SERPINB12: variants seen among roughly 807,000 people sequenced by gnomAD.
SERPINB12 encodes the protein serpin family B member 12, also known as serpin B12.
SERPINB12 carries 57 observed loss-of-function variants against 41.1 expected under a neutral mutation model. That is an observed-to-expected ratio of 1.39 (90% CI 1.12 to 1.73). The LOEUF is 1.73. Ranked by LOEUF, SERPINB12 falls within the 40% of genes most tolerant of loss-of-function variation. SERPINB12 has a pLI of 0.00. For synonymous variants in SERPINB12, 180 were observed against 181.3 expected, an observed-to-expected ratio of 0.99 and a Z score of 0.06; for missense variants, 536 against 501.9, an observed-to-expected ratio of 1.07 and a Z score of -0.65.
the SERPINB12 span, among the ~76,000 whole-genome samples, chr18:63,537,219 T>C: frequency 5.3e-5 from 8 of 152,160 alleles, no homozygotes; most frequent in Non-Finnish European, 7.4e-5. Flanking sequence ...TAGGGCCCTG[T>C]AAAGAAGTGG....
chr18:63,521,952 A>G, the SERPINB12 span, among the ~76,000 whole-genome samples: 2 of 152,242 alleles, frequency 1.3e-5, no homozygotes, highest in African/African-American at 4.8e-5. Flanking sequence ...GTCTACAGGT[A>G]GATAACCAGA....
At chr18:63,544,829 G>C (rs535493434) in intron 1 of SERPINB12, among the ~76,000 whole-genome samples, 31 of 152,126 alleles carry the variant, frequency 2.0e-4, no homozygotes, top group Non-Finnish European at 3.8e-4. Flanking sequence ...CAGGAAAACT[G>C]TCTGCTTTAG....
rs1016258858 is a variant in SERPINB12, at chr18:63,558,875, G to A, written c.303+389G>A. On this transcript the variant is annotated intron_variant, in intron 3 of 7. Transcript: ENST00000382768. ...TCCATTTCGTGCTGAAATCTGCACT[G>A]ACAGACAAAACTTTTATTGGTTGCC... 1.3e-3 allele frequency among the ~76,000 whole-genome samples: 203 copies of A among 152,202 alleles called. 1 individual carries two copies. Among genetic ancestry groups the A allele is most frequent in the Non-Finnish European group, 3.7e-4 (25 of 68,022 alleles).
chr18:63,537,192 G>A, the SERPINB12 span, among the ~76,000 whole-genome samples: 3 of 152,130 alleles, frequency 2.0e-5, no homozygotes, highest in Admixed American at 6.6e-5. Context: ...GCCAGCAATG[G>A]TTTGTTTGGA....
intron 5 of SERPINB12, among the ~76,000 whole-genome samples, chr18:63,562,009 G>A (rs1320303301): frequency 6.6e-6 from 1 of 151,990 alleles, no homozygotes. Flanking sequence ...TAAAATAAAA[G>A]CTGAAATTTA....
At chr18:63,536,126 C>T in the SERPINB12 span, among the ~76,000 whole-genome samples, 1 of 151,126 alleles carries the variant, frequency 6.6e-6, no homozygotes, top group African/African-American at 2.4e-5. Flanking sequence ...TTAAGTATTC[C>T]CACAACATTC....
intron 3 of SERPINB12, 55 bp downstream of exon 3, chr18:63,558,541 T>C: frequency 6.5e-7 from 1 of 1,543,580 alleles, no homozygotes; most frequent in Non-Finnish European, 8.7e-7. Context: ...CTGCTTATTC[T>C]GGCTGTAGGA....
chr18:63,555,863 G>T (rs185073493), intron 1 of SERPINB12, among the ~76,000 whole-genome samples: 2 of 152,150 alleles, frequency 1.3e-5, no homozygotes, highest in African/African-American at 2.4e-5. Context: ...AGAACCATGG[G>T]AGAATAAACT....
chr18:63,565,617 A>G lies in SERPINB12; in HGVS notation c.873+5A>G. The G allele has an allele frequency of 1.2e-6, 2 of 1,606,004 alleles. No homozygotes were observed. Among genetic ancestry groups the G allele is most frequent in the Non-Finnish European group, 1.7e-6 (2 of 1,176,776 alleles). ...AACCTGAAGGGTCTGGAAGAGGTAA[A>G]TCTTCATTTCCACATCTCTACAAAA... On this transcript the variant is annotated splice_donor_5th_base_variant and intron_variant, in intron 7 of 7. Transcript: ENST00000382768.
chr18:63,564,967 GTTGAGACTAGGAGT>G (rs1331798904), intron 6 of SERPINB12, among the ~76,000 whole-genome samples: 1 of 152,158 alleles, frequency 6.6e-6, no homozygotes, highest in East Asian at 1.9e-4. Flanking sequence ...GGGAGGATCA[GTTGAGACTAGGAGT>G]TTGAGACTAG....
intron 1 of SERPINB12, among the ~76,000 whole-genome samples, chr18:63,547,223 A>T (rs1453891429): frequency 2.0e-5 from 3 of 152,168 alleles, no homozygotes; most frequent in Non-Finnish European, 4.4e-5. Flanking sequence ...TGATTTTTTT[A>T]AAATGTAGAT....
the SERPINB12 span, among the ~76,000 whole-genome samples, chr18:63,521,650 A>T: frequency 6.6e-6 from 1 of 152,174 alleles, no homozygotes; most frequent in Non-Finnish European, 1.5e-5. Context: ...GAAAATTAAG[A>T]GGGGTAAGAA....
chr18:63,554,134 A>G (rs1164376445), intron 1 of SERPINB12, among the ~76,000 whole-genome samples: 4 of 152,218 alleles, frequency 2.6e-5, no homozygotes, highest in African/African-American at 9.6e-5. Context: ...TATAAGCTGA[A>G]TAAGGGGGGA....
intron 3 of SERPINB12, 35 bp downstream of exon 3, chr18:63,558,521 T>C: frequency 6.3e-7 from 1 of 1,580,868 alleles, no homozygotes; most frequent in East Asian, 2.3e-5. Flanking sequence ...TTGCCTTTCT[T>C]TTTTACAAAC....
At chr18:63,559,320 C>T (rs1020539916) in intron 3 of SERPINB12, among the ~76,000 whole-genome samples, 1 of 151,740 alleles carries the variant, frequency 6.6e-6, no homozygotes, top group East Asian at 1.9e-4. Flanking sequence ...ATATAGTGAG[C>T]GTTGCTGAGT....
At chr18:63,544,905 T>C (rs1910350689) in intron 1 of SERPINB12, among the ~76,000 whole-genome samples, 1 of 152,214 alleles carries the variant, frequency 6.6e-6, no homozygotes, top group Non-Finnish European at 1.5e-5. Context: ...TAAACATGTT[T>C]TCTTTTCTCA....
Position 63,567,080 on chromosome 18 carries a change from TG to T in SERPINB12, c.*72del. 1 of 1,465,446 alleles carries T rather than the reference TG, an allele frequency of 6.8e-7. No individual in the cohort carries two copies. The allele number at this position is 1,465,446 out of a possible 1,614,324, so 90.8% of individuals were successfully genotyped here. A position where few individuals can be genotyped will look rare whatever the true frequency, so the allele number is the denominator to read the frequency against. ...AATACAATCTTCCCCTGGCATAAGA[TG>T]GGCATTTGAGTTTTTGGTAATATCT... On this transcript the variant is annotated 3_prime_UTR_variant, in exon 8 of 8. Transcript: ENST00000382768.
At chr18:63,533,251 C>T in the SERPINB12 span, among the ~76,000 whole-genome samples, 1 of 152,212 alleles carries the variant, frequency 6.6e-6, no homozygotes, top group South Asian at 2.1e-4. Context: ...ATTGGGATTA[C>T]AGGCATGAGC....
rs774045820 is a variant in SERPINB12 at position 63,561,120 on chromosome 18, G to T, written c.480G>T (p.Thr160=). The change falls in exon 5 of 8, where the codon ACG becomes ACT. Residue 160 remains threonine (T), a synonymous_variant. Transcript: ENST00000382768. ...ATGGTGTGATTCAATTTTACCACACGACGATTGAAAGTGTTGATTTCCAAA... is the reference window on the plus strand; with the variant it reads ...ATGGTGTGATTCAATTTTACCACACTACGATTGAAAGTGTTGATTTCCAAA... ...YLDGVIQFYH[T]TIESVDFQKN... The T allele has an allele frequency of 1.2e-6, 2 of 1,612,584 alleles. No individual in the cohort carries two copies. The highest frequency in any genetic ancestry group is 2.2e-5 in the South Asian group (2 of 90,968).
Sources: allele counts gnomAD v4.1 joint callset (sites outside exome capture counted in the v4.1 genomes callset), GRCh38; gene constraint gnomAD v4.1.1; transcripts MANE v1.5; gene names NCBI Gene and HGNC (gene_info 2026-07-23, HGNC 2026-07-21).